The following ANTXRL variants were observed in gnomAD, a reference collection of about 807,000 sequenced individuals.
ANTXRL encodes the protein ANTXR like, also known as anthrax toxin receptor-like.
A neutral mutation model predicts 75.4 loss-of-function variants in ANTXRL; 63 were observed. The ratio of observed to expected loss-of-function variants is 0.84; its 90% confidence interval spans 0.68 to 1.03. The LOEUF is 1.03. Ranked by LOEUF, ANTXRL falls within the 50% of genes least tolerant of loss-of-function variation. The probability of loss-of-function intolerance (pLI) is 0.00; values close to 1 mark genes in which losing one functional copy is unlikely to be tolerated. For missense variants in ANTXRL, 797 were observed against 789.4 expected, an observed-to-expected ratio of 1.01 and a Z score of -0.12; for synonymous variants, 335 against 291.3, an observed-to-expected ratio of 1.15 and a Z score of -1.53.
intron 9 of ANTXRL, among the ~76,000 whole-genome samples, chr10:46,298,806 G>C (rs1554959754): frequency 6.6e-6 from 1 of 151,158 alleles, no homozygotes; most frequent in East Asian, 1.9e-4. Context: ...GTGTACTTCG[G>C]GTGTGTGGTG....
intron 16 of ANTXRL, among the ~76,000 whole-genome samples, chr10:46,313,983 G>A (rs1838580648): frequency 1.3e-5 from 2 of 152,208 alleles, no homozygotes; most frequent in Admixed American, 1.3e-4. Context: ...GGGCCCTGGA[G>A]AGCCCTGCTT....
In ANTXRL at chr10:46,287,177, C is replaced by T. The variant is rs1386626860; in HGVS notation, c.-86C>T. 108 of 1,467,962 alleles carry T rather than the reference C, an allele frequency of 7.4e-5. No homozygotes were observed. Among genetic ancestry groups the T allele is most frequent in the African/African-American group, 1.8e-4 (13 of 70,556 alleles). 90.9% of individuals were successfully genotyped at this position (1,467,962 alleles called of 1,614,324 possible). ...GTGTGGCCCCGGGCATAAGGGGAGGCGGCAAAGAAGGGGCCTGTGCTCAGC... is the reference window on the plus strand; with the variant it reads ...GTGTGGCCCCGGGCATAAGGGGAGGTGGCAAAGAAGGGGCCTGTGCTCAGC... On this transcript the variant is annotated 5_prime_UTR_variant, in exon 1 of 17. Transcript: ENST00000620264.
chr10:46,324,685 C>T (rs949214531), intron 16 of ANTXRL, among the ~76,000 whole-genome samples: 1 of 152,086 alleles, frequency 6.6e-6, no homozygotes. Flanking sequence ...ATTTCTCTAT[C>T]ATTTGAGGAA....
At position 46,300,992 on chromosome 10, in the gene ANTXRL, C is replaced by G. The variant is rs1409547994; in HGVS notation, c.797-1730C>G. Among the ~76,000 whole-genome samples, 5 of 150,038 alleles carry G rather than the reference C, an allele frequency of 3.3e-5. No individual in the cohort carries two copies. The East Asian group carries it at 7.9e-4, about 24-fold the overall frequency. Reference sequence around the variant, plus strand: ...CATGTTCCTTTATCTCTCCCACCCCCCCTCTCTCTTCATCCATCCACCTTG... The same window carrying G: ...CATGTTCCTTTATCTCTCCCACCCCGCCTCTCTCTTCATCCATCCACCTTG... On this transcript the variant is annotated intron_variant, in intron 9 of 16. Coordinates refer to ENST00000620264, the MANE Select transcript of ANTXRL (RefSeq NM_001278688.3).
chr10:46,295,624 G>GAGTTAGA (rs1565018961), intron 3 of ANTXRL, among the ~76,000 whole-genome samples: 25 of 57,888 alleles, frequency 4.3e-4, no homozygotes, highest in South Asian at 1.7e-3. Flanking sequence ...GTTAGAGTTA[G>GAGTTAGA]GAATGTCAAC....
At chr10:46,309,083 C>A in intron 12 of ANTXRL, 30 bp from the exon 13 acceptor site, 3 of 1,535,538 alleles carry the variant, frequency 2.0e-6, no homozygotes, top group Non-Finnish European at 2.6e-6. Context: ...GCCACCGAGG[C>A]CCTCCTATGG....
At chr10:46,286,918 T>TC, upstream of ANTXRL, 1 of 348,600 alleles carries the variant, frequency 2.9e-6, no homozygotes. Flanking sequence ...GTCCTGTGCC[T>TC]CCCCCTGATG....
At chr10:46,288,660 AG>A (rs1836858857) in intron 1 of ANTXRL, among the ~76,000 whole-genome samples, 1 of 152,126 alleles carries the variant, frequency 6.6e-6, no homozygotes, top group Non-Finnish European at 1.5e-5. Flanking sequence ...ATCTGTAAAA[AG>A]GGTATCTTCA....
At position 46,296,097 on chromosome 10, in the gene ANTXRL, AAAGGTATAGACCCCTTGATCTCCT is replaced by A; in HGVS notation, c.474_474+23del. 6.5e-7 allele frequency: 1 copy of A among 1,535,932 alleles called. No homozygotes were observed. The highest frequency in any genetic ancestry group is 8.7e-7 in the Non-Finnish European group (1 of 1,146,746). ...ACACATTCATGCAGGCAGGATTTAG[AAAGGTATAGACCCCTTGATCTCCT>A]AACCCTAACCCTAACCCTAACCCTA... On this transcript the variant is annotated splice_donor_variant and splice_donor_5th_base_variant and coding_sequence_variant and intron_variant, in exon 4 of 17. Coordinates refer to ENST00000620264, the MANE Select transcript of ANTXRL (RefSeq NM_001278688.3). LOFTEE classifies it high-confidence loss of function.
At chr10:46,299,655 C>G (rs544796052) in intron 9 of ANTXRL, among the ~76,000 whole-genome samples, 1 of 152,162 alleles carries the variant, frequency 6.6e-6, no homozygotes, top group Non-Finnish European at 1.5e-5. Flanking sequence ...TGGGGACAGA[C>G]ACACCGTATA....
At chr10:46,300,885 C>A (rs1237552228) in intron 9 of ANTXRL, among the ~76,000 whole-genome samples, 4 of 152,096 alleles carry the variant, frequency 2.6e-5, no homozygotes, top group African/African-American at 9.7e-5. Context: ...AATTTTCAAA[C>A]CTGTAGGTGA....
chr10:46,305,455 G>A (rs1314769348), intron 10 of ANTXRL, among the ~76,000 whole-genome samples: 1 of 152,190 alleles, frequency 6.6e-6, no homozygotes, highest in Non-Finnish European at 1.5e-5. Context: ...GCCTTTTAAA[G>A]GAAAATGAGG....
intron 1 of ANTXRL, among the ~76,000 whole-genome samples, chr10:46,291,562 T>C (rs1554956485): frequency 6.6e-6 from 1 of 152,182 alleles, no homozygotes; most frequent in Admixed American, 6.5e-5. Flanking sequence ...TATCTTTCCA[T>C]TTATTGTGTC....
At chr10:46,325,208 G>A (rs1192639793) in intron 16 of ANTXRL, among the ~76,000 whole-genome samples, 2 of 152,106 alleles carry the variant, frequency 1.3e-5, no homozygotes, top group East Asian at 3.9e-4. Context: ...AAATCTCTTG[G>A]GTCCCCTCTA....
chr10:46,287,226 C>T lies in ANTXRL; in HGVS notation c.-37C>T. 1 of 1,531,038 alleles carries T rather than the reference C, an allele frequency of 6.5e-7. No individual in the cohort carries two copies. The highest frequency in any genetic ancestry group is 8.7e-7 in the Non-Finnish European group (1 of 1,144,700). The allele number at this position is 1,531,038 out of a possible 1,614,324, so 94.8% of individuals were successfully genotyped here. On this transcript the variant is annotated 5_prime_UTR_variant, in exon 1 of 17. Coordinates refer to ENST00000620264, the MANE Select transcript of ANTXRL (RefSeq NM_001278688.3). ...GCCTCTCTGGGCCCTGGCACAGGCACCCAAGAGTGAGGTGGGGTCACAGGG... is the reference window on the plus strand; with the variant it reads ...GCCTCTCTGGGCCCTGGCACAGGCATCCAAGAGTGAGGTGGGGTCACAGGG...
At chr10:46,314,382 G>T (rs782778288) in intron 16 of ANTXRL, among the ~76,000 whole-genome samples, 1 of 152,088 alleles carries the variant, frequency 6.6e-6, no homozygotes, top group East Asian at 1.9e-4. Context: ...TCTCCACGTT[G>T]CTACAGCCCA....
At chr10:46,296,723 G>A (rs868908015) in intron 5 of ANTXRL, among the ~76,000 whole-genome samples, 1 of 152,158 alleles carries the variant, frequency 6.6e-6, no homozygotes, top group Non-Finnish European at 1.5e-5. Flanking sequence ...GAGAGGAAAG[G>A]CGTTGAGGTG....
upstream of ANTXRL, chr10:46,286,435 T>C (rs532728451): frequency 1.3e-5 from 2 of 152,318 alleles, no homozygotes; most frequent in East Asian, 3.9e-4. Context: ...CCCTCCTGCC[T>C]AGGAGCCACA....
At position 46,310,521 on chromosome 10, in the gene ANTXRL, G is replaced by T. The variant is rs75611076; in HGVS notation, c.1173+22G>T. Reference sequence around the variant, plus strand: ...AAAGGTAAGTTGCAGTTCTGGTCCCGATATTGTCACATCCCAAGGAGCCCA... The same window carrying T: ...AAAGGTAAGTTGCAGTTCTGGTCCCTATATTGTCACATCCCAAGGAGCCCA... On this transcript the variant is annotated intron_variant, in intron 14 of 16. Coordinates refer to ENST00000620264, the MANE Select transcript of ANTXRL (RefSeq NM_001278688.3). 4 of 1,535,026 alleles carry T rather than the reference G, an allele frequency of 2.6e-6. No homozygotes were observed. In the East Asian group the frequency reaches 9.8e-5, roughly 38 times the overall value.
Sources: allele counts gnomAD v4.1 joint callset (sites outside exome capture counted in the v4.1 genomes callset), GRCh38; gene constraint gnomAD v4.1.1; transcripts MANE v1.5; gene names NCBI Gene and HGNC (gene_info 2026-07-23, HGNC 2026-07-21).